PALM2AKAP2: variants seen among roughly 807,000 people sequenced by gnomAD.
PALM2AKAP2 encodes PALM2-AKAP2 fusion protein.
In PALM2AKAP2, 37 loss-of-function variants were observed where a neutral mutation model predicts 71.5. That is an observed-to-expected ratio of 0.52 (90% CI 0.40 to 0.68). The LOEUF is 0.68. Ranked by LOEUF, PALM2AKAP2 falls within the 30% of genes least tolerant of loss-of-function variation. The pLI, the probability that PALM2AKAP2 is intolerant of heterozygous loss-of-function variation, is 0.00. For missense variants in PALM2AKAP2, 1,224 were observed against 1,191.8 expected (o/e 1.03, Z -0.40); for synonymous variants, 468 against 478.8 (o/e 0.98, Z 0.29).
upstream of PALM2AKAP2, among the ~76,000 whole-genome samples, chr9:110,046,412 A>G (rs1252447879): frequency 1.3e-5 from 2 of 151,520 alleles, no homozygotes; most frequent in South Asian, 2.1e-4. Context: ...CAAAGCATTG[A>G]CGTTGTTTTA....
chr9:109,778,254 T>C (rs979701437), upstream of PALM2AKAP2, among the ~76,000 whole-genome samples: 1 of 152,258 alleles, frequency 6.6e-6, no homozygotes, highest in Non-Finnish European at 1.5e-5. Context: ...TGGTGCTTAA[T>C]GGTTAAGAGC....
intron 1 of PALM2AKAP2, among the ~76,000 whole-genome samples, chr9:110,099,489 A>C (rs1011444339): frequency 1.3e-5 from 2 of 151,986 alleles, no homozygotes; most frequent in South Asian, 4.1e-4. Flanking sequence ...GGAAGGATAC[A>C]TAAGAAGGTA....
intron 1 of PALM2AKAP2, among the ~76,000 whole-genome samples, chr9:110,052,422 C>G (rs1318023988): frequency 6.6e-6 from 1 of 152,174 alleles, no homozygotes; most frequent in Non-Finnish European, 1.5e-5. Context: ...AAATAATCCC[C>G]TCTATGAACA....
intron 1 of PALM2AKAP2, among the ~76,000 whole-genome samples, chr9:110,073,036 A>C (rs1001955846): frequency 3.9e-5 from 6 of 152,210 alleles, no homozygotes; most frequent in African/African-American, 1.4e-4. Flanking sequence ...ACCAAGCCCA[A>C]ACTGTTAAGC....
intron 1 of PALM2AKAP2, among the ~76,000 whole-genome samples, chr9:109,859,260 A>C (rs1296050783): frequency 2.0e-5 from 3 of 152,210 alleles, no homozygotes; most frequent in Non-Finnish European, 4.4e-5. Context: ...AATAAGTTAC[A>C]AGAAGTGGAG....
chr9:109,834,143 G>A (rs141439127), intron 1 of PALM2AKAP2, among the ~76,000 whole-genome samples: 1,768 of 152,330 alleles, frequency 0.012, 30 homozygotes, highest in African/African-American at 0.039. Flanking sequence ...AACCTGGGAG[G>A]TGGATGTTGC....
In PALM2AKAP2 at chr9:110,136,971, C is replaced by T. The variant is rs772158471; in HGVS notation, c.1001C>T (p.Pro334Leu). ...ATTGCAGCAAAATGGTGGAATCCCCCGCAGGAAAAAACCATCGAGGAGCAG... is the reference window on the plus strand; with the variant it reads ...ATTGCAGCAAAATGGTGGAATCCCCTGCAGGAAAAAACCATCGAGGAGCAG... Residue 334 changes from proline to leucine, a missense_variant, in exon 2 of 4, where the codon CCG becomes CTG. Pro to Leu is a moderately conservative substitution (Grantham distance 98, BLOSUM62 -3). Coordinates refer to ENST00000374525, the Ensembl canonical transcript of PALM2AKAP2. 2.6e-5 allele frequency: 42 copies of T among 1,613,898 alleles called. No individual in the cohort carries two copies. Among genetic ancestry groups the T allele is most frequent in the Admixed American group, 5.0e-5 (3 of 59,976 alleles).
At chr9:110,122,053 G>A (rs1369040683) in intron 1 of PALM2AKAP2, among the ~76,000 whole-genome samples, 1 of 152,180 alleles carries the variant, frequency 6.6e-6, no homozygotes, top group East Asian at 1.9e-4. Context: ...GTCGTCTCTT[G>A]CTGCCTTACA....
exon 2 of PALM2AKAP2, chr9:110,138,073 T>TGAA (rs776401771): frequency 9.9e-6 from 16 of 1,613,876 alleles, no homozygotes; most frequent in Non-Finnish European, 1.3e-5. Context: ...AAGCTGAAGC[T>TGAA]GCGGCTTTCG....
chr9:110,145,443 C>T (rs1320669104), intron 2 of PALM2AKAP2, among the ~76,000 whole-genome samples: 4 of 152,090 alleles, frequency 2.6e-5, no homozygotes, highest in South Asian at 2.1e-4. Flanking sequence ...TTGAAAACTT[C>T]GAAAGAACTG....
chr9:109,709,837 G>A (rs1007585065), intron 1 of PALM2AKAP2, among the ~76,000 whole-genome samples: 3 of 152,300 alleles, frequency 2.0e-5, no homozygotes, highest in Non-Finnish European at 2.9e-5. Context: ...AACCTGTAGC[G>A]ATTTGAATGT....
chr9:109,823,295 A>G (rs1350726426), intron 1 of PALM2AKAP2, among the ~76,000 whole-genome samples: 6 of 152,108 alleles, frequency 3.9e-5, no homozygotes, highest in South Asian at 2.1e-4. Flanking sequence ...CCCTGAACCC[A>G]CATGGGAGGA....
At chr9:109,644,677 G>A (rs1056052815) in intron 1 of PALM2AKAP2, among the ~76,000 whole-genome samples, 2 of 152,140 alleles carry the variant, frequency 1.3e-5, no homozygotes, top group Non-Finnish European at 2.9e-5. Context: ...CAGCACCCAA[G>A]TCACCTCTTG....
intron 1 of PALM2AKAP2, among the ~76,000 whole-genome samples, chr9:109,699,149 A>G (rs530243035): frequency 6.6e-6 from 1 of 152,238 alleles, no homozygotes; most frequent in Non-Finnish European, 1.5e-5. Flanking sequence ...ACACAAACAG[A>G]TGATTCACAA....
At chr9:110,067,335 G>T (rs1378528988) in intron 1 of PALM2AKAP2, among the ~76,000 whole-genome samples, 2 of 152,152 alleles carry the variant, frequency 1.3e-5, no homozygotes, top group Non-Finnish European at 2.9e-5. Flanking sequence ...AAATTGAAAA[G>T]GTTTGCTGAA....
intron 3 of PALM2AKAP2, among the ~76,000 whole-genome samples, chr9:109,894,291 A>T (rs956850817): frequency 3.9e-5 from 6 of 152,196 alleles, no homozygotes; most frequent in Non-Finnish European, 8.8e-5. Flanking sequence ...GTCAGCCAAG[A>T]TCGCACCATT....
intron 6 of PALM2AKAP2, among the ~76,000 whole-genome samples, chr9:109,941,230 G>A (rs1831357786): frequency 6.8e-6 from 1 of 148,060 alleles, no homozygotes; most frequent in South Asian, 2.1e-4. Flanking sequence ...TACAGAAACA[G>A]GCTCAGGCTG....
rs199612619 is a variant in PALM2AKAP2, at chr9:110,156,537, C to T, written c.2748+40C>T. 1.4e-3 allele frequency: 2,158 copies of T among 1,553,864 alleles called. 1 individual carries two copies. The highest frequency in any genetic ancestry group is 1.8e-3 in the Non-Finnish European group (2,050 of 1,146,118). On this transcript the variant is annotated intron_variant, in intron 3 of 3. Coordinates refer to ENST00000374525, the Ensembl canonical transcript of PALM2AKAP2. The stretch of plus-strand genomic sequence containing the variant: ...CTTTCCTCTTTCACTTCTCTGAGCG[C>T]GGCCATCGGTGTGGCGTGTGGCATT...
At chr9:110,016,973 G>A (rs780365615) in intron 7 of PALM2AKAP2, among the ~76,000 whole-genome samples, 47 of 152,106 alleles carry the variant, frequency 3.1e-4, no homozygotes, top group African/African-American at 4.8e-4. Flanking sequence ...TCCGCCTCCC[G>A]GGTTCATGCC....
Sources: allele counts gnomAD v4.1 joint callset (sites outside exome capture counted in the v4.1 genomes callset), GRCh38; gene constraint gnomAD v4.1.1; transcripts MANE v1.5; gene names NCBI Gene and HGNC (gene_info 2026-07-23, HGNC 2026-07-21).